The following RGS7 variants were observed in gnomAD, a reference collection of about 807,000 sequenced individuals.
RGS7 encodes the protein regulator of G protein signaling 7.
RGS7 carries 27 observed loss-of-function variants against 81.1 expected under a neutral mutation model. The ratio of observed to expected loss-of-function variants is 0.33; its 90% confidence interval spans 0.25 to 0.46. The LOEUF is 0.46. Among genes scored for constraint, RGS7 ranks in the 20% least tolerant of loss-of-function variants. RGS7 has a pLI of 1.00. For missense variants in RGS7, 396 were observed against 607.4 expected, an observed-to-expected ratio of 0.65 and a Z score of 3.66; for synonymous variants, 208 against 207.7, an observed-to-expected ratio of 1.00 and a Z score of -0.01.
chr1:241,088,548 A>G lies in RGS7; in HGVS notation c.175+10118T>C, dbSNP rs897647078. On this transcript the variant is annotated intron_variant, in intron 3 of 18. Transcript: ENST00000440928. ...TATTTTAACCATGAACACCCCAACA[A>G]TTACCCCCTGATTGACGTAATTTTC... 8.6e-5 allele frequency among the ~76,000 whole-genome samples: 13 copies of G among 151,902 alleles called. 1 individual carries two copies. The highest frequency in any genetic ancestry group is 2.0e-4 in the Admixed American group (3 of 15,240).
In RGS7 at chr1:240,936,613, A is replaced by G. The variant is rs1048514765; in HGVS notation, c.320T>C (p.Phe107Ser). ...TAATAAACTTACTTGAAACCGGTAA[A>G]AGGTGCCATCATCCTTGAGTGTGAG... ...HVLTLKDDGT[F>S]YRFQTPYFWP... The change falls in exon 5 of 19, where the codon TTT becomes TCT. Residue 107 changes from phenylalanine to serine, a missense_variant. By Grantham distance (155) the Phe-to-Ser change is radical (BLOSUM62 -2). Coordinates refer to ENST00000440928, the MANE Select transcript of RGS7 (RefSeq NM_001364886.1). 6.2e-7 allele frequency: 1 copy of G among 1,613,150 alleles called. No homozygotes were observed. The highest frequency in any genetic ancestry group is 1.3e-5 in the African/African-American group (1 of 75,034).
intron 2 of RGS7, among the ~76,000 whole-genome samples, chr1:241,134,184 T>C (rs1448796714): frequency 6.6e-6 from 1 of 152,234 alleles, no homozygotes; most frequent in Non-Finnish European, 1.5e-5. Context: ...CCCTCTCACA[T>C]ATGGCTGGTG....
intron 3 of RGS7, among the ~76,000 whole-genome samples, chr1:241,089,063 C>CTCTCTGTATA (rs1374552672): frequency 8.4e-5 from 2 of 23,686 alleles, no homozygotes; most frequent in African/African-American, 4.6e-4. Flanking sequence ...CTCTCTCTCT[C>CTCTCTGTATA]TATATATATA....
At chr1:241,027,947 A>T (rs1306615208) in intron 3 of RGS7, among the ~76,000 whole-genome samples, 1 of 152,248 alleles carries the variant, frequency 6.6e-6, no homozygotes, top group Non-Finnish European at 1.5e-5. Flanking sequence ...TTATTAATTT[A>T]GTGCAAGTGT....
In RGS7 at chr1:240,868,117, GGAAAGAAAGAAAGAAA is replaced by G. The variant is rs71172654; in HGVS notation, c.609+454_609+469del. On this transcript the variant is annotated intron_variant, in intron 9 of 18. Coordinates refer to ENST00000440928, the MANE Select transcript of RGS7 (RefSeq NM_001364886.1). The surrounding 1 kb of genome is among the most constrained non-coding windows in gnomAD (Gnocchi z 5.1). ...GAAAAGAAAAAGAAAGAAAAGAAAAGGAAAGAAAGAAAGAAAGAAAGAAAGAAAGAAAGAAAGAAAG... is the reference window on the plus strand; with the variant it reads ...GAAAAGAAAAAGAAAGAAAAGAAAAGGAAAGAAAGAAAGAAAGAAAGAAAG... Among the ~76,000 whole-genome samples the G allele has an allele frequency of 2.4e-4, 29 of 122,510 alleles. No homozygotes were observed. The East Asian group carries it at 2.7e-3, about 11-fold the overall frequency. The allele number at this position is 122,510 out of a possible 152,430, so 80.4% of individuals were successfully genotyped here. A position where few individuals can be genotyped will look rare whatever the true frequency, so the allele number is the denominator to read the frequency against.
At chr1:241,022,923 C>T (rs1468559932) in intron 3 of RGS7, among the ~76,000 whole-genome samples, 1 of 152,006 alleles carries the variant, frequency 6.6e-6, no homozygotes, top group East Asian at 1.9e-4. Context: ...ACTCCATGCT[C>T]CCTACCATGG....
At chr1:241,073,415 C>A (rs1160497746) in intron 3 of RGS7, among the ~76,000 whole-genome samples, 1 of 150,460 alleles carries the variant, frequency 6.6e-6, no homozygotes, top group Non-Finnish European at 1.5e-5. Flanking sequence ...AGAAGGTGCT[C>A]AAAAAAAAAT....
intron 6 of RGS7, among the ~76,000 whole-genome samples, chr1:240,928,640 ACT>A (rs1340292500): frequency 7.5e-6 from 1 of 133,240 alleles, no homozygotes. Flanking sequence ...ACGGAGTCTC[ACT>A]CTGTCATCCA....
At chr1:240,933,789 C>T (rs1349489878) in intron 5 of RGS7, among the ~76,000 whole-genome samples, 1 of 151,868 alleles carries the variant, frequency 6.6e-6, no homozygotes, top group Non-Finnish European at 1.5e-5. Context: ...CATCAGATCT[C>T]ATTTTCAGTT....
rs144277057 is a variant in RGS7 at position 240,976,978 on chromosome 1, TATC to T, written c.226+6098_226+6100del. On this transcript the variant is annotated intron_variant, in intron 4 of 18. Coordinates refer to ENST00000440928, the MANE Select transcript of RGS7 (RefSeq NM_001364886.1). ...TATCTTCTATCATCTATCATTTATC[TATC>T]ATCTATCATTTATCTATCATCTATC... Among the ~76,000 whole-genome samples the T allele has an allele frequency of 3.6e-3, 552 of 151,988 alleles. 8 individuals carry two copies. The East Asian group carries it at 0.052, about 14-fold the overall frequency.
At chr1:241,295,757 T>C (rs963183527) in intron 2 of RGS7, among the ~76,000 whole-genome samples, 1 of 152,138 alleles carries the variant, frequency 6.6e-6, no homozygotes, top group Non-Finnish European at 1.5e-5. Context: ...TAAAATTAAA[T>C]GGATTAGAGG....
At chr1:240,850,084 T>C (rs1025135064) in intron 9 of RGS7, among the ~76,000 whole-genome samples, 3 of 152,236 alleles carry the variant, frequency 2.0e-5, no homozygotes, top group Admixed American at 2.0e-4. Flanking sequence ...AAATGTCCCA[T>C]GTCTGAGATT....
At chr1:241,043,546 TATA>T (rs953597667) in intron 3 of RGS7, among the ~76,000 whole-genome samples, 7 of 127,764 alleles carry the variant, frequency 5.5e-5, no homozygotes, top group Admixed American at 2.3e-4. Context: ...ATATATCATA[TATA>T]ATATTATATA....
chr1:241,298,539 C>T (rs1408965141), intron 2 of RGS7, among the ~76,000 whole-genome samples: 1 of 152,152 alleles, frequency 6.6e-6, no homozygotes, highest in East Asian at 1.9e-4. Flanking sequence ...CACTACATTC[C>T]CTGACGACAC....
chr1:241,314,192 C>G (rs2080726220), intron 2 of RGS7, among the ~76,000 whole-genome samples: 2 of 152,200 alleles, frequency 1.3e-5, no homozygotes, highest in South Asian at 2.1e-4. Flanking sequence ...ATAAAATGCT[C>G]TCAAACAGCA....
intron 2 of RGS7, among the ~76,000 whole-genome samples, chr1:241,307,483 C>T (rs1225527430): frequency 2.6e-5 from 4 of 152,132 alleles, no homozygotes; most frequent in Non-Finnish European, 4.4e-5. Flanking sequence ...TTTATTAATT[C>T]ACTGAGCGAT....
chr1:241,168,661 T>C (rs1429996658), intron 2 of RGS7, among the ~76,000 whole-genome samples: 1 of 152,134 alleles, frequency 6.6e-6, no homozygotes, highest in Non-Finnish European at 1.5e-5. Context: ...AAGGAATATA[T>C]ATACTGCATG....
intron 2 of RGS7, among the ~76,000 whole-genome samples, chr1:241,190,067 C>T (rs954558797): frequency 7.9e-5 from 12 of 151,954 alleles, no homozygotes; most frequent in Admixed American, 3.9e-4. Flanking sequence ...GGCGCCACTG[C>T]ACTCCAGCCT....
chr1:240,923,852 C>T (rs1482225485), intron 6 of RGS7, among the ~76,000 whole-genome samples: 1 of 152,026 alleles, frequency 6.6e-6, no homozygotes, highest in Non-Finnish European at 1.5e-5. Context: ...CTTAAATTCT[C>T]AGTTTTCTAA....
Sources: gnomAD v4.1 joint callset for allele counts (sites outside exome capture counted in the v4.1 genomes callset) on GRCh38, gnomAD v4.1.1 for gene constraint, Gnocchi (gnomAD v3.1) non-coding constraint, MANE v1.5 for transcripts, NCBI Gene and HGNC (gene_info 2026-07-23, HGNC 2026-07-21) for gene names.